Variants in SMURF1 observed in about 807,000 individuals in gnomAD.
The protein encoded by SMURF1 is E3 ubiquitin-protein ligase SMURF1.
In SMURF1, 44 loss-of-function variants were observed where a neutral mutation model predicts 98.0. That is an observed-to-expected ratio of 0.45 (90% CI 0.35 to 0.58). The LOEUF is 0.58. Among genes scored for constraint, SMURF1 ranks in the 20% least tolerant of loss-of-function variants. SMURF1 has a pLI of 0.00. For missense variants in SMURF1, 687 were observed against 938.4 expected (o/e 0.73, Z 3.50); for synonymous variants, 396 against 374.9 (o/e 1.06, Z -0.65).
intron 1 of SMURF1, among the ~76,000 whole-genome samples, chr7:99,143,442 G>T (rs1168526193): frequency 2.7e-5 from 4 of 145,778 alleles, no homozygotes; most frequent in East Asian, 4.2e-4. Context: ...GGCCATGAAT[G>T]GAAATGAGAG....
intron 1 of SMURF1, among the ~76,000 whole-genome samples, chr7:99,086,412 A>G (rs1169287130): frequency 6.7e-6 from 1 of 149,824 alleles, no homozygotes; most frequent in East Asian, 2.0e-4. Flanking sequence ...AAAAAAAAAT[A>G]CAGAGGGGCA....
intron 16 of SMURF1, among the ~76,000 whole-genome samples, chr7:99,034,769 G>A (rs1420459802): frequency 6.6e-6 from 1 of 152,174 alleles, no homozygotes; most frequent in East Asian, 1.9e-4. Context: ...ATAGGCAGAG[G>A]TCACAATGGA....
At chr7:99,075,225 C>T (rs759419247) in intron 1 of SMURF1, among the ~76,000 whole-genome samples, 4 of 152,104 alleles carry the variant, frequency 2.6e-5, no homozygotes, top group Non-Finnish European at 5.9e-5. Context: ...TTCAAGCGAT[C>T]CTCCCACCTC....
chr7:99,111,365 C>A (rs1209654687), intron 1 of SMURF1, among the ~76,000 whole-genome samples: 1 of 152,166 alleles, frequency 6.6e-6, no homozygotes, highest in East Asian at 1.9e-4. Flanking sequence ...TATAGAGAAA[C>A]AGCCACTCTC....
Position 99,042,106 on chromosome 7 carries a change from A to G in SMURF1, c.1371+12T>C. On this transcript the variant is annotated intron_variant, in intron 12 of 17. Transcript: ENST00000361368. ...AACTCAATTCCCTACCTCTTTGTTC[A>G]TTCATACTTACGGGGTTGATTGAAG... is the stretch of plus-strand genomic sequence containing the variant. The G allele has an allele frequency of 1.3e-6, 2 of 1,597,854 alleles. No homozygotes were observed. Among genetic ancestry groups the G allele is most frequent in the East Asian group, 2.2e-5 (1 of 44,792 alleles).
chr7:99,047,514 T>C, intron 10 of SMURF1, 170 bp downstream of exon 10: 2 of 671,236 alleles, frequency 3.0e-6, no homozygotes, highest in Non-Finnish European at 5.0e-6. Context: ...AGTAATAAAA[T>C]CAATACCTCA....
chr7:99,126,200 G>A (rs1021113114), intron 1 of SMURF1, among the ~76,000 whole-genome samples: 1 of 152,118 alleles, frequency 6.6e-6, no homozygotes, highest in South Asian at 2.1e-4. Context: ...CATGTATGGC[G>A]TTGGTATTTA....
intron 13 of SMURF1, 51 bp downstream of exon 13, chr7:99,040,327 G>C (rs1795329488): frequency 1.4e-6 from 2 of 1,417,212 alleles, no homozygotes; most frequent in Non-Finnish European, 1.9e-6. Context: ...ACATACGATA[G>C]ACGTGGTGGT....
At chr7:99,049,539 CA>C (rs759065395) in intron 9 of SMURF1, 23 bp downstream of exon 9, 2 of 1,605,068 alleles carry the variant, frequency 1.2e-6, no homozygotes, top group Admixed American at 1.7e-5. Context: ...AAGAGGTCAG[CA>C]AAAAATATTT....
At chr7:99,075,549 T>C (rs1420767480) in intron 1 of SMURF1, among the ~76,000 whole-genome samples, 1 of 152,162 alleles carries the variant, frequency 6.6e-6, no homozygotes, top group African/African-American at 2.4e-5. Context: ...TGTGGGGTCT[T>C]TGCTAATTCT....
At position 99,061,833 on chromosome 7, in the gene SMURF1, T is replaced by C; in HGVS notation, c.60A>G (p.Leu20=). 1 of 1,603,094 alleles carries C rather than the reference T, an allele frequency of 6.2e-7. No homozygotes were observed. The highest frequency in any genetic ancestry group is 1.3e-5 in the African/African-American group (1 of 74,552). Residue 20 remains leucine, a synonymous_variant, in exon 2 of 18, where the codon TTA becomes TTG. Transcript: ENST00000361368. The part of the protein sequence containing the change: ...GSSIKIRLTV[L]CAKNLAKKDF... ...CTTTCTTTGCAAGGTTCTTGGCACA[T>C]AACACTAAAAACAAAGAAAAATTAC...
At chr7:99,130,870 C>T (rs957722441) in intron 1 of SMURF1, among the ~76,000 whole-genome samples, 1 of 152,172 alleles carries the variant, frequency 6.6e-6, no homozygotes, top group African/African-American at 2.4e-5. Flanking sequence ...CGAGCACATC[C>T]CATCATCCCA....
intron 11 of SMURF1, among the ~76,000 whole-genome samples, chr7:99,042,872 A>C (rs1795440403): frequency 6.6e-6 from 1 of 152,248 alleles, no homozygotes; most frequent in African/African-American, 2.4e-5. Flanking sequence ...GCGAATAGGG[A>C]AGGACAGACA....
chr7:99,132,103 T>C (rs80165539), intron 1 of SMURF1, among the ~76,000 whole-genome samples: 2,735 of 152,280 alleles, frequency 0.018, 25 homozygotes, highest in African/African-American at 0.024. Flanking sequence ...GCCCCTGGAA[T>C]GGCCCAGAAG....
chr7:99,086,071 C>T (rs1036420217), intron 1 of SMURF1, among the ~76,000 whole-genome samples: 2 of 152,118 alleles, frequency 1.3e-5, no homozygotes, highest in South Asian at 2.1e-4. Flanking sequence ...CACGGCCAGG[C>T]GTGGTGGTTC....
Position 99,054,801 on chromosome 7 carries a change from T to A in SMURF1, c.468A>T (p.Leu156Phe). The A allele has an allele frequency of 6.2e-7, 1 of 1,614,114 alleles. No homozygotes were observed. The highest frequency in any genetic ancestry group is 2.2e-5 in the East Asian group (1 of 44,874). Residue 156 changes from leucine (L) to phenylalanine (F), a missense_variant, in exon 6 of 18, where the codon TTA (leucine) becomes TTT (phenylalanine). By Grantham distance (22) the Leu-to-Phe change is conservative. Coordinates refer to ENST00000361368, the MANE Select transcript of SMURF1 (RefSeq NM_181349.3). ...GGSVVDCRGLLENEGTVYEDS... is the reference protein window; with the variant it reads ...GGSVVDCRGLFENEGTVYEDS... Reference sequence around the variant, plus strand: ...GTGGTTATACGTACCCTTCATTTTCTAACAGTCCTCTGCAGTCCACCACCG... The same window carrying A: ...GTGGTTATACGTACCCTTCATTTTCAAACAGTCCTCTGCAGTCCACCACCG...
chr7:99,121,573 G>C (rs987907973), intron 1 of SMURF1, among the ~76,000 whole-genome samples: 3 of 152,072 alleles, frequency 2.0e-5, no homozygotes, highest in African/African-American at 7.2e-5. Flanking sequence ...AGTCAGCTGG[G>C]AAACACTCCC....
intron 14 of SMURF1, 52 bp from the exon 15 acceptor site, chr7:99,037,239 T>C (rs1795179967): frequency 2.5e-6 from 4 of 1,611,014 alleles, no homozygotes; most frequent in Admixed American, 1.7e-5. Flanking sequence ...TTTTCCGCCA[T>C]GGGCAGGTTT....
chr7:99,110,209 C>A (rs987733749), intron 1 of SMURF1, among the ~76,000 whole-genome samples: 1 of 152,060 alleles, frequency 6.6e-6, no homozygotes, highest in African/African-American at 2.4e-5. Context: ...GTAAAGATCT[C>A]ATTTAAAGCA....
Sources: allele counts gnomAD v4.1 joint callset (sites outside exome capture counted in the v4.1 genomes callset), GRCh38; gene constraint gnomAD v4.1.1; transcripts MANE v1.5; gene names NCBI Gene and HGNC (gene_info 2026-07-23, HGNC 2026-07-21).